The following NELL1 variants were observed in gnomAD, a reference collection of about 807,000 sequenced individuals.
The protein encoded by NELL1 is protein kinase C-binding protein NELL1.
NELL1 carries 76 observed loss-of-function variants against 107.4 expected under a neutral mutation model. That is an observed-to-expected ratio of 0.71 (90% CI 0.59 to 0.86). The LOEUF (loss-of-function observed/expected upper bound fraction) is 0.86, where lower values mean the gene tolerates loss of function less well. Ranked by LOEUF, NELL1 falls within the 40% of genes least tolerant of loss-of-function variation. NELL1 has a pLI of 0.00. For missense variants in NELL1, 1,024 were observed against 1,005.5 expected (o/e 1.02, Z -0.25); for synonymous variants, 353 against 341.2 (o/e 1.03, Z -0.38).
At chr11:21,534,339 A>G (rs375898449) in intron 15 of NELL1, 35 bp from the exon 16 acceptor site, 1 of 1,612,816 alleles carries the variant, frequency 6.2e-7, no homozygotes. Context: ...AAAGAAATTA[A>G]TATCCTGGTG....
intron 5 of NELL1, among the ~76,000 whole-genome samples, chr11:20,897,594 G>T (rs1255078754): frequency 6.6e-6 from 1 of 152,038 alleles, no homozygotes; most frequent in Non-Finnish European, 1.5e-5. Flanking sequence ...AAGAGCTTCT[G>T]CACAGCAAAA....
intron 3 of NELL1, among the ~76,000 whole-genome samples, chr11:20,830,107 A>T (rs1857976451): frequency 6.6e-6 from 1 of 151,882 alleles, no homozygotes; most frequent in Admixed American, 6.6e-5. Flanking sequence ...CCCTGTCTCT[A>T]CTAAAAATAC....
intron 13 of NELL1, among the ~76,000 whole-genome samples, chr11:21,179,399 TA>T (rs1856779216): frequency 6.6e-6 from 1 of 151,806 alleles, no homozygotes; most frequent in African/African-American, 2.4e-5. Context: ...CTCAATGGCT[TA>T]AAAAAACTCA....
chr11:20,846,678 A>T (rs964639910), intron 3 of NELL1, among the ~76,000 whole-genome samples: 1 of 131,286 alleles, frequency 7.6e-6, no homozygotes, highest in South Asian at 2.4e-4. Flanking sequence ...TCAGTTTTTA[A>T]GTTTTTTAAA....
intron 3 of NELL1, among the ~76,000 whole-genome samples, chr11:20,804,346 C>T (rs1767118884): frequency 6.6e-6 from 1 of 152,146 alleles, no homozygotes; most frequent in Non-Finnish European, 1.5e-5. Context: ...AGCAAGTCTC[C>T]TGCCTTGGCC....
At chr11:21,307,647 C>T (rs901349191) in intron 14 of NELL1, among the ~76,000 whole-genome samples, 6 of 151,922 alleles carry the variant, frequency 3.9e-5, no homozygotes, top group African/African-American at 1.2e-4. Context: ...TAACCAGATC[C>T]TTAAAAATGG....
chr11:21,509,385 G>C (rs1855378762), intron 15 of NELL1, among the ~76,000 whole-genome samples: 1 of 152,120 alleles, frequency 6.6e-6, no homozygotes. Context: ...GGAAACTCTT[G>C]TGCATGTATA....
chr11:21,506,756 C>T (rs1855290171), intron 15 of NELL1, among the ~76,000 whole-genome samples: 2 of 152,222 alleles, frequency 1.3e-5, no homozygotes, highest in Non-Finnish European at 2.9e-5. Context: ...AGCATATGAC[C>T]CTCTCCTTTA....
intron 18 of NELL1, among the ~76,000 whole-genome samples, chr11:21,572,333 G>T (rs1272276190): frequency 6.6e-6 from 1 of 151,796 alleles, no homozygotes; most frequent in East Asian, 1.9e-4. Context: ...AATTACTTGA[G>T]AATACTGTGG....
chr11:20,833,864 G>A (rs1222278047), intron 3 of NELL1, among the ~76,000 whole-genome samples: 2 of 152,276 alleles, frequency 1.3e-5, no homozygotes, highest in African/African-American at 4.8e-5. Flanking sequence ...AAGAACGTTG[G>A]TGTGTAGAGG....
chr11:20,921,190 A>G (rs1290222449), intron 7 of NELL1, among the ~76,000 whole-genome samples: 1 of 152,198 alleles, frequency 6.6e-6, no homozygotes, highest in Non-Finnish European at 1.5e-5. Context: ...TTCTTAGCTT[A>G]TAGGACATAC....
intron 13 of NELL1, among the ~76,000 whole-genome samples, chr11:21,176,390 C>A (rs565238997): frequency 6.6e-6 from 1 of 151,682 alleles, no homozygotes; most frequent in Non-Finnish European, 1.5e-5. Flanking sequence ...TTGTCTTACT[C>A]GCATGGGATT....
intron 4 of NELL1, among the ~76,000 whole-genome samples, chr11:20,863,169 G>A (rs1012761250): frequency 6.6e-6 from 1 of 151,866 alleles, no homozygotes; most frequent in East Asian, 1.9e-4. Flanking sequence ...CTTCCCAGAA[G>A]GGGTGGCCGG....
intron 14 of NELL1, among the ~76,000 whole-genome samples, chr11:21,262,930 A>G (rs1848562227): frequency 1.3e-5 from 2 of 151,568 alleles, no homozygotes; most frequent in South Asian, 4.2e-4. Flanking sequence ...CAATTTTTAT[A>G]CTTGTCTTCT....
At chr11:20,672,576 T>G (rs773714406) in intron 1 of NELL1, among the ~76,000 whole-genome samples, 6 of 152,204 alleles carry the variant, frequency 3.9e-5, no homozygotes, top group Non-Finnish European at 7.3e-5. Flanking sequence ...CCAGTTCTTG[T>G]TATTTCTGGT....
chr11:20,805,965 G>A (rs960486107), intron 3 of NELL1, among the ~76,000 whole-genome samples: 9 of 152,166 alleles, frequency 5.9e-5, no homozygotes, highest in Admixed American at 5.2e-4. Context: ...AGTTGTTATA[G>A]TTATTAGTTT....
chr11:21,112,962 T>C (rs1339459247), intron 12 of NELL1, among the ~76,000 whole-genome samples: 3 of 152,026 alleles, frequency 2.0e-5, no homozygotes, highest in Admixed American at 1.3e-4. Flanking sequence ...AGAAAGCAGG[T>C]GATGCTCTGA....
At chr11:21,546,233 G>T (rs1856437959) in intron 16 of NELL1, among the ~76,000 whole-genome samples, 1 of 151,920 alleles carries the variant, frequency 6.6e-6, no homozygotes, top group Non-Finnish European at 1.5e-5. Context: ...CAGTCTCAGG[G>T]GAGATTCACT....
chr11:21,146,430 C>T lies in NELL1; in HGVS notation c.1426+32716C>T, dbSNP rs77317439. On this transcript the variant is annotated intron_variant, in intron 13 of 19. Transcript: ENST00000357134. The stretch of plus-strand genomic sequence containing the variant: ...AGTGGTGCCAGAGGCCAGAGAGAGC[C>T]GGGGTCATGGAGCTGAGGAGGCTTG... 9.5e-3 allele frequency among the ~76,000 whole-genome samples: 1,447 copies of T among 152,158 alleles called. 64 individuals are homozygous for T. The East Asian group carries it at 0.11, about 12-fold the overall frequency.
Sources: allele counts gnomAD v4.1 joint callset (sites outside exome capture counted in the v4.1 genomes callset), GRCh38; gene constraint gnomAD v4.1.1; transcripts MANE v1.5; gene names NCBI Gene and HGNC (gene_info 2026-07-23, HGNC 2026-07-21).